Variants in SLC22A4 observed in about 807,000 individuals in gnomAD.
SLC22A4 encodes the protein solute carrier family 22 member 4.
In SLC22A4, 39 loss-of-function variants were observed where a neutral mutation model predicts 56.6. The observed-to-expected ratio is 0.69, with a 90% CI of 0.53 to 0.90. The LOEUF is 0.90. Ranked by LOEUF, SLC22A4 falls within the 40% of genes least tolerant of loss-of-function variation. SLC22A4 has a pLI of 0.00. For missense variants in SLC22A4, 594 were observed against 696.5 expected (o/e 0.85, Z 1.66); for synonymous variants, 241 against 281.4 (o/e 0.86, Z 1.44).
At chr5:132,303,235 T>C (rs2126702162) in intron 1 of SLC22A4, among the ~76,000 whole-genome samples, 1 of 152,278 alleles carries the variant, frequency 6.6e-6, no homozygotes, top group East Asian at 1.9e-4. Context: ...AAGTTAGCAG[T>C]GTGAGGAGCG....
chr5:132,309,754 G>T (rs955233199), intron 1 of SLC22A4, among the ~76,000 whole-genome samples: 13 of 152,236 alleles, frequency 8.5e-5, no homozygotes, highest in Non-Finnish European at 1.6e-4. Context: ...TTTTCAGTTT[G>T]CCCTGGACCT....
chr5:132,296,020 G>A (rs566844635), intron 1 of SLC22A4, among the ~76,000 whole-genome samples: 12 of 152,342 alleles, frequency 7.9e-5, no homozygotes, highest in African/African-American at 2.9e-4. Flanking sequence ...GGGCACACTG[G>A]CTGTGTTACT....
chr5:132,295,600 C>T, intron 1 of SLC22A4: 5 of 288,414 alleles, frequency 1.7e-5, no homozygotes, highest in South Asian at 1.6e-4. Flanking sequence ...CCCTGGCCCT[C>T]AGGGACCTCT....
intron 5 of SLC22A4, 142 bp from the exon 6 acceptor site, chr5:132,331,614 T>TA: frequency 1.4e-6 from 1 of 740,214 alleles, no homozygotes; most frequent in Non-Finnish European, 2.5e-6. Flanking sequence ...GTAGATGCCC[T>TA]ATTGCCTCCA....
rs754112333 is a variant in SLC22A4 at position 132,295,058 on chromosome 5, C to T, written c.393+49C>T. 2.6e-6 allele frequency: 4 copies of T among 1,563,132 alleles called. No individual in the cohort carries two copies. The South Asian group carries it at 4.7e-5, about 18-fold the overall frequency. ...GACCCGGGAGTGCCTGACCCTCCCT[C>T]TGCGTCAGCCCCCCTTGAGACTCCC... On this transcript the variant is annotated intron_variant, in intron 1 of 9. Transcript: ENST00000200652.
chr5:132,301,421 G>A (rs1749904427), intron 1 of SLC22A4, among the ~76,000 whole-genome samples: 1 of 152,186 alleles, frequency 6.6e-6, no homozygotes, highest in African/African-American at 2.4e-5. Flanking sequence ...TCTGCAGCTG[G>A]GCTGCCTCCT....
At chr5:132,311,957 C>T (rs149252142) in intron 1 of SLC22A4, 1 of 631,366 alleles carries the variant, frequency 1.6e-6, no homozygotes, top group African/African-American at 1.8e-5. Flanking sequence ...AGGGCAGTGA[C>T]CTGCCCCAGG....
intron 3 of SLC22A4, among the ~76,000 whole-genome samples, chr5:132,315,993 C>T (rs1750344294): frequency 6.6e-6 from 1 of 152,162 alleles, no homozygotes; most frequent in Non-Finnish European, 1.5e-5. Flanking sequence ...GCTAGCTTCC[C>T]TACAGTGCAG....
intron 2 of SLC22A4, among the ~76,000 whole-genome samples, chr5:132,313,182 G>A (rs892346468): frequency 4.6e-5 from 7 of 152,122 alleles, no homozygotes; most frequent in South Asian, 2.1e-4. Context: ...CAAGCTCTCC[G>A]GGTGATTCCA....
At chr5:132,305,488 T>C (rs944672964) in intron 1 of SLC22A4, among the ~76,000 whole-genome samples, 1 of 152,094 alleles carries the variant, frequency 6.6e-6, no homozygotes, top group African/African-American at 2.4e-5. Context: ...TGATATATCA[T>C]GGTAAAACTG....
intron 1 of SLC22A4, among the ~76,000 whole-genome samples, chr5:132,298,946 G>C (rs1023807909): frequency 3.4e-4 from 52 of 152,230 alleles, no homozygotes; most frequent in Non-Finnish European, 5.4e-4. Flanking sequence ...CCAAGCCTCA[G>C]AGAATAGAAC....
At chr5:132,341,816 C>T (rs1447207219) in intron 9 of SLC22A4, among the ~76,000 whole-genome samples, 6 of 151,914 alleles carry the variant, frequency 3.9e-5, no homozygotes, top group Non-Finnish European at 5.9e-5. Flanking sequence ...GGCATGGTGG[C>T]GCACCCCTGT....
Position 132,322,335 on chromosome 5 carries a change from G to T in SLC22A4, c.804G>T (p.Val268=). The T allele has an allele frequency of 6.2e-7, 1 of 1,613,678 alleles. No individual in the cohort carries two copies. The highest frequency in any genetic ancestry group is 8.5e-7 in the Non-Finnish European group (1 of 1,179,916). The part of the protein sequence containing the change: ...MLLLALTVPG[V]LCVPLWWFIP... Reference sequence around the variant, plus strand: ...TGCTGGCGCTGACGGTGCCGGGAGTGCTGTGTGTCCCGCTGTGGTGGTGAG... The same window carrying T: ...TGCTGGCGCTGACGGTGCCGGGAGTTCTGTGTGTCCCGCTGTGGTGGTGAG... Residue 268 remains valine, a synonymous_variant, in exon 4 of 10, where the codon GTG becomes GTT. Transcript: ENST00000200652.
At chr5:132,312,570 C>T (rs868386840) in intron 2 of SLC22A4, among the ~76,000 whole-genome samples, 6 of 152,196 alleles carry the variant, frequency 3.9e-5, no homozygotes, top group East Asian at 1.9e-4. Context: ...CAAAACATGA[C>T]GCTGCCATCA....
intron 4 of SLC22A4, among the ~76,000 whole-genome samples, chr5:132,322,609 C>T (rs1393290378): frequency 6.6e-6 from 1 of 152,206 alleles, no homozygotes; most frequent in Non-Finnish European, 1.5e-5. Flanking sequence ...CTGTCTGTTG[C>T]TACTTGTTAT....
chr5:132,338,953 A>C (rs1751114156), intron 8 of SLC22A4, among the ~76,000 whole-genome samples: 1 of 152,240 alleles, frequency 6.6e-6, no homozygotes, highest in Non-Finnish European at 1.5e-5. Context: ...AGGAAATCAC[A>C]AGGGTGTTGA....
intron 6 of SLC22A4, among the ~76,000 whole-genome samples, chr5:132,332,639 G>T (rs181576858): frequency 6.6e-6 from 1 of 151,796 alleles, no homozygotes; most frequent in Non-Finnish European, 1.5e-5. Context: ...GCTTTCAGGC[G>T]CAGAAATACT....
At chr5:132,334,182 G>T (rs901102782) in intron 6 of SLC22A4, among the ~76,000 whole-genome samples, 4 of 152,156 alleles carry the variant, frequency 2.6e-5, no homozygotes, top group Admixed American at 6.5e-5. Flanking sequence ...TACTTTGAAG[G>T]ATTAGGGGAC....
chr5:132,311,717 T>C (rs1284903671), intron 1 of SLC22A4: 1 of 194,278 alleles, frequency 5.1e-6, no homozygotes, highest in Non-Finnish European at 1.1e-5. Context: ...AAAGAAATTT[T>C]ACGCCTGGAC....
Sources: allele counts gnomAD v4.1 joint callset (sites outside exome capture counted in the v4.1 genomes callset), GRCh38; gene constraint gnomAD v4.1.1; transcripts MANE v1.5; gene names NCBI Gene and HGNC (gene_info 2026-07-23, HGNC 2026-07-21).